The following PCDHA1 variants were observed in gnomAD, a reference collection of about 807,000 sequenced individuals.
The protein encoded by PCDHA1 is protocadherin alpha 1.
In PCDHA1, 42 loss-of-function variants were observed where a neutral mutation model predicts 61.3. The ratio of observed to expected loss-of-function variants is 0.69; its 90% confidence interval spans 0.54 to 0.89. The LOEUF is 0.89. PCDHA1 is among the 40% of genes least tolerant of loss of function. The probability of loss-of-function intolerance (pLI) is 0.00; values close to 1 mark genes in which losing one functional copy is unlikely to be tolerated. For synonymous variants in PCDHA1, 610 were observed against 553.8 expected, an observed-to-expected ratio of 1.10 and a Z score of -1.43; for missense variants, 1,256 against 1,235.3, an observed-to-expected ratio of 1.02 and a Z score of -0.25.
chr5:140,923,019 C>T (rs540025993), intron 1 of PCDHA1, among the ~76,000 whole-genome samples: 4 of 152,168 alleles, frequency 2.6e-5, no homozygotes, highest in South Asian at 2.1e-4. Context: ...ACTGCAGTTT[C>T]GGACTCTATT....
At chr5:140,848,593 A>G in intron 1 of PCDHA1, 1 of 1,593,964 alleles carries the variant, frequency 6.3e-7, no homozygotes, top group Non-Finnish European at 8.6e-7. Flanking sequence ...CAGCTCCACT[A>G]CTCCGTCCCG....
chr5:140,913,572 T>C (rs1000646852), intron 1 of PCDHA1, among the ~76,000 whole-genome samples: 1 of 152,146 alleles, frequency 6.6e-6, no homozygotes, highest in Non-Finnish European at 1.5e-5. Context: ...TTTCATCATT[T>C]CAAATATATT....
At chr5:140,842,366 G>C in intron 1 of PCDHA1, 1 of 1,608,006 alleles carries the variant, frequency 6.2e-7, no homozygotes, top group Non-Finnish European at 8.5e-7. Flanking sequence ...TAACGTCCCT[G>C]AGATAGCACT....
intron 1 of PCDHA1, chr5:140,796,908 C>A (rs140366950): frequency 1.9e-6 from 3 of 1,613,802 alleles, no homozygotes; most frequent in African/African-American, 1.3e-5. Flanking sequence ...ACCGCCTACT[C>A]GTGCTGGTGA....
At position 140,835,699 on chromosome 5, in the gene PCDHA1, C is replaced by G. The variant is rs146607016; in HGVS notation, c.2394+47015C>G. 306 of 1,613,916 alleles carry G rather than the reference C, an allele frequency of 1.9e-4. 1 individual carries two copies. In the African/African-American group the frequency reaches 3.5e-3, roughly 18 times the overall value. ...GGCTCGCCTTCTCTGTGGGCCACTG[C>G]TAGCGTGTCCGTGGAGGTGGCCGAC... On this transcript the variant is annotated intron_variant, in intron 1 of 3. Coordinates refer to ENST00000504120, the MANE Select transcript of PCDHA1 (RefSeq NM_018900.4).
chr5:140,830,219 C>G (rs2150182909), intron 1 of PCDHA1: 3 of 1,613,894 alleles, frequency 1.9e-6, no homozygotes, highest in Admixed American at 3.3e-5. Context: ...GGTATCCAGC[C>G]TGCTGGTCCT....
At chr5:140,796,744 G>T in intron 1 of PCDHA1, 1 of 1,614,148 alleles carries the variant, frequency 6.2e-7, no homozygotes, top group Non-Finnish European at 8.5e-7. Flanking sequence ...GGTGGCGAAG[G>T]TGCGCGCAGT....
intron 1 of PCDHA1, chr5:140,882,507 A>G: frequency 6.2e-7 from 1 of 1,614,182 alleles, no homozygotes; most frequent in Non-Finnish European, 8.5e-7. Flanking sequence ...GTAAATCTGC[A>G]GAATGGCATT....
intron 1 of PCDHA1, chr5:140,794,830 A>G: frequency 1.0e-6 from 1 of 984,750 alleles, no homozygotes; most frequent in South Asian, 1.7e-5. Flanking sequence ...CTAGGAAGGA[A>G]AATACCCAGA....
intron 1 of PCDHA1, chr5:140,797,305 G>A: frequency 6.2e-7 from 1 of 1,614,228 alleles, no homozygotes; most frequent in South Asian, 1.1e-5. Flanking sequence ...TCAAGGTCCA[G>A]ACTCCGCAGA....
chr5:140,818,563 A>G (rs974251332), intron 1 of PCDHA1, among the ~76,000 whole-genome samples: 1 of 152,228 alleles, frequency 6.6e-6, no homozygotes, highest in African/African-American at 2.4e-5. Context: ...CAGGCCAGGC[A>G]TGGTGGCTCA....
chr5:140,801,234 T>C, intron 1 of PCDHA1: 1 of 1,612,804 alleles, frequency 6.2e-7, no homozygotes, highest in Non-Finnish European at 8.5e-7. Context: ...TGGAGCCCAG[T>C]GCCTGCTGCT....
chr5:140,936,867 T>TA (rs1471990778), intron 1 of PCDHA1, among the ~76,000 whole-genome samples: 5 of 152,214 alleles, frequency 3.3e-5, no homozygotes, highest in Admixed American at 2.6e-4. Context: ...GTTTCTATTT[T>TA]AAAAAACCCT....
chr5:140,988,193 A>G (rs528689173), intron 3 of PCDHA1, among the ~76,000 whole-genome samples: 4 of 152,192 alleles, frequency 2.6e-5, no homozygotes, highest in South Asian at 2.1e-4. Flanking sequence ...AGGTGTGTGC[A>G]TATCCTTATT....
At chr5:140,888,503 T>C (rs1582952197) in intron 1 of PCDHA1, among the ~76,000 whole-genome samples, 1 of 152,132 alleles carries the variant, frequency 6.6e-6, no homozygotes, top group East Asian at 1.9e-4. Context: ...CTTTAAAGAG[T>C]CTTGGACTTA....
At position 140,786,968 on chromosome 5, in the gene PCDHA1, T is replaced by A. The variant is rs1333763571; in HGVS notation, c.678T>A (p.Val226=). The A allele has an allele frequency of 6.8e-6, 11 of 1,614,188 alleles. No individual in the cohort carries two copies. Among genetic ancestry groups the A allele is most frequent in the Non-Finnish European group, 9.3e-6 (11 of 1,180,024 alleles). Reference sequence around the variant, plus strand: ...GCAAACCGGAGCTGCAAGGTACAGTTGAGCTGCTGATCACCGTCCTCGACG... The same window carrying A: ...GCAAACCGGAGCTGCAAGGTACAGTAGAGCTGCTGATCACCGTCCTCGACG... The part of the protein sequence containing the change: ...DGGKPELQGT[V]ELLITVLDVN... The change falls in exon 1 of 4, where the codon GTT becomes GTA. Residue 226 remains valine (V), a synonymous_variant. Coordinates refer to ENST00000504120, the MANE Select transcript of PCDHA1 (RefSeq NM_018900.4).
At chr5:140,938,205 C>T (rs1435832298) in intron 1 of PCDHA1, among the ~76,000 whole-genome samples, 3 of 152,160 alleles carry the variant, frequency 2.0e-5, no homozygotes, top group Non-Finnish European at 4.4e-5. Context: ...GCCAGCCTCC[C>T]AAAGTGCTGG....
chr5:140,943,603 G>A (rs1554215788), intron 1 of PCDHA1, among the ~76,000 whole-genome samples: 1 of 152,100 alleles, frequency 6.6e-6, no homozygotes, highest in African/African-American at 2.4e-5. Context: ...TCTAAATATA[G>A]ACTTTGATTC....
intron 1 of PCDHA1, chr5:140,822,990 G>C (rs2150121071): frequency 1.2e-6 from 2 of 1,614,184 alleles, no homozygotes; most frequent in Admixed American, 1.7e-5. Context: ...ATTACTACTC[G>C]TTGGTGCTGG....
Sources: allele counts gnomAD v4.1 joint callset (sites outside exome capture counted in the v4.1 genomes callset), GRCh38; gene constraint gnomAD v4.1.1; transcripts MANE v1.5; gene names NCBI Gene and HGNC (gene_info 2026-07-23, HGNC 2026-07-21).